Variants in TPCN2 observed in about 807,000 individuals in gnomAD.
TPCN2 encodes two pore channel protein 2.
A neutral mutation model predicts 111.4 loss-of-function variants in TPCN2; 92 were observed. The ratio of observed to expected loss-of-function variants is 0.83; its 90% CI spans 0.70 to 0.98. TPCN2 has a LOEUF of 0.98. Ranked by LOEUF, TPCN2 falls within the 50% of genes least tolerant of loss-of-function variation. TPCN2 has a pLI of 0.00. For missense variants in TPCN2, 995 were observed against 980.1 expected (o/e 1.02, Z -0.20); for synonymous variants, 405 against 414.5 (o/e 0.98, Z 0.28).
chr11:69,083,876 G>C, intron 18 of TPCN2, 69 bp from the exon 19 acceptor site: 1 of 1,472,540 alleles, frequency 6.8e-7, no homozygotes, highest in Admixed American at 1.7e-5. Context: ...GGTCAGCGTG[G>C]TGGGCCGGGA....
intron 8 of TPCN2, among the ~76,000 whole-genome samples, chr11:69,069,235 G>A (rs1373641695): frequency 3.3e-5 from 4 of 119,624 alleles, no homozygotes; most frequent in Admixed American, 8.1e-5. Flanking sequence ...GGAAGTGACC[G>A]CAGTGGGAGC....
At chr11:69,087,342 T>G in intron 24 of TPCN2, 136 bp downstream of exon 24, 1 of 738,556 alleles carries the variant, frequency 1.4e-6, no homozygotes, top group Non-Finnish European at 2.3e-6. Flanking sequence ...GCTTTGGTCC[T>G]GTGCTCTAGG....
intron 14 of TPCN2, 24 bp from the exon 15 acceptor site, chr11:69,078,710 G>A (rs574414432): frequency 1.2e-5 from 19 of 1,613,766 alleles, no homozygotes; most frequent in East Asian, 2.2e-5. Context: ...GCCAGCCGGC[G>A]AGCCCTCTGT....
rs1856004798 is a variant in TPCN2 at position 69,081,418 on chromosome 11, C to T, written c.1608C>T (p.Gly536=). 1 of 1,557,534 alleles carries T rather than the reference C, an allele frequency of 6.4e-7. No homozygotes were observed. Residue 536 remains glycine (G), a synonymous_variant, in exon 18 of 25, where the codon GGC becomes GGT. Coordinates refer to ENST00000294309, the MANE Select transcript of TPCN2 (RefSeq NM_139075.4). ...TCCCCAGGAGGCCGGAGATGGTGGG[C>T]CTGCTGTCGCTGTGGGACATGACCC... The part of the protein sequence containing the change: ...PHPGWRPEMV[G]LLSLWDMTRM...
chr11:69,056,302 G>A (rs1230749613), intron 4 of TPCN2, among the ~76,000 whole-genome samples: 8 of 152,198 alleles, frequency 5.3e-5, no homozygotes, highest in Non-Finnish European at 4.4e-5. Flanking sequence ...TGTGCCGACC[G>A]AGGGTTGTGG....
intron 1 of TPCN2, among the ~76,000 whole-genome samples, chr11:69,052,601 G>A (rs1178721411): frequency 6.6e-6 from 1 of 152,132 alleles, no homozygotes; most frequent in Non-Finnish European, 1.5e-5. Context: ...CGGGCAGAGT[G>A]AGGGTGGGGT....
rs780907139 is a variant in TPCN2, at chr11:69,072,577, A to G, written c.1062-50A>G. 1.2e-5 allele frequency: 19 copies of G among 1,599,646 alleles called. No individual in the cohort carries two copies. The South Asian group carries it at 2.1e-4, about 18-fold the overall frequency. On this transcript the variant is annotated intron_variant, in intron 11 of 24. Coordinates refer to ENST00000294309, the MANE Select transcript of TPCN2 (RefSeq NM_139075.4). ...GCAGGAGGACCCAGGCCAGGGTTCC[A>G]AGGGAGCCGAGCTGGCTGTGCTCAC...
intron 2 of TPCN2, 43 bp from the exon 3 acceptor site, chr11:69,054,678 T>C (rs775085904): frequency 6.3e-7 from 1 of 1,581,864 alleles, no homozygotes; most frequent in East Asian, 2.2e-5. Context: ...CGGCCCACCC[T>C]GCATGCACCC....
At position 69,057,633 on chromosome 11, in the gene TPCN2, T is replaced by G; in HGVS notation, c.485T>G (p.Leu162Arg). Residue 162 changes from leucine to arginine, a missense_variant, in exon 5 of 25, where the codon CTC becomes CGC. Coordinates refer to ENST00000294309, the MANE Select transcript of TPCN2 (RefSeq NM_139075.4). Reference protein sequence around the residue: ...FQKNLWLLGYLVVLVVSLVDW... With the variant: ...FQKNLWLLGYRVVLVVSLVDW... ...AAAAACCTTTGGCTGCTGGGCTACCTCGTGGTGCTGGTGGTGTCTCTGGTG... is the reference window on the plus strand; with the variant it reads ...AAAAACCTTTGGCTGCTGGGCTACCGCGTGGTGCTGGTGGTGTCTCTGGTG... 1.2e-6 allele frequency: 2 copies of G among 1,614,176 alleles called. No individual in the cohort carries two copies. Among genetic ancestry groups the G allele is most frequent in the Non-Finnish European group, 1.7e-6 (2 of 1,180,020 alleles).
At chr11:69,063,158 C>CTG (rs1565083761) in intron 6 of TPCN2, among the ~76,000 whole-genome samples, 168 bp downstream of exon 6, 17 of 151,978 alleles carry the variant, frequency 1.1e-4, no homozygotes, top group African/African-American at 3.9e-4. Flanking sequence ...TTTGGGGTCT[C>CTG]TTTGGTTCCA....
intron 22 of TPCN2, among the ~76,000 whole-genome samples, chr11:69,086,320 G>A (rs1856271639): frequency 6.6e-6 from 1 of 152,202 alleles, no homozygotes; most frequent in South Asian, 2.1e-4. Context: ...GCCTCCTGCT[G>A]GCTTAGCTAC....
At chr11:69,082,408 C>G (rs533606934) in intron 18 of TPCN2, among the ~76,000 whole-genome samples, 1 of 152,286 alleles carries the variant, frequency 6.6e-6, no homozygotes, top group Non-Finnish European at 1.5e-5. Context: ...CATCATCATG[C>G]ACATACACAC....
rs1861085724 is a variant in TPCN2, at chr11:69,048,933, C to T, written c.-65C>T. On this transcript the variant is annotated 5_prime_UTR_variant, in exon 1 of 25. Coordinates refer to ENST00000294309, the MANE Select transcript of TPCN2 (RefSeq NM_139075.4). ...CAGGGACGGGGTCTCCGCGCCTGCGCAGTGAAGCTGGGCGCCTTCGGGGCT... is the reference window on the plus strand; with the variant it reads ...CAGGGACGGGGTCTCCGCGCCTGCGTAGTGAAGCTGGGCGCCTTCGGGGCT... 1.9e-6 allele frequency: 2 copies of T among 1,076,538 alleles called. No individual in the cohort carries two copies. The highest frequency in any genetic ancestry group is 1.2e-6 in the Non-Finnish European group (1 of 843,906). The allele number at this position is 1,076,538 out of a possible 1,614,324, so 66.7% of individuals were successfully genotyped here.
chr11:69,057,782 G>C, intron 5 of TPCN2, 88 bp downstream of exon 5: 1 of 1,230,612 alleles, frequency 8.1e-7, no homozygotes, highest in Non-Finnish European at 1.2e-6. Flanking sequence ...ATGGAGCCCT[G>C]AGCCCGCCAG....
Position 69,055,167 on chromosome 11 carries a change from C to G in TPCN2, c.252-8C>G, listed in dbSNP as rs1438814023. On this transcript the variant is annotated splice_polypyrimidine_tract_variant and splice_region_variant and intron_variant, in intron 3 of 24. Transcript: ENST00000294309. ...TCCTGTGTTTTCATGTTTCTGTCCC[C>G]TTTCCAGGACTTTGAGCTTCACCAT... is the stretch of plus-strand genomic sequence containing the variant. 2 of 1,613,136 alleles carry G rather than the reference C, an allele frequency of 1.2e-6. No homozygotes were observed. Among genetic ancestry groups the G allele is most frequent in the African/African-American group, 2.7e-5 (2 of 74,902 alleles).
intron 13 of TPCN2, among the ~76,000 whole-genome samples, chr11:69,078,226 C>A (rs1855872293): frequency 2.6e-5 from 4 of 151,138 alleles, no homozygotes; most frequent in Admixed American, 2.6e-4. Flanking sequence ...AATATCACAA[C>A]ATGGTTTACT....
chr11:69,067,469 A>G (rs762242635), intron 7 of TPCN2, 34 bp from the exon 8 acceptor site: 15 of 1,589,312 alleles, frequency 9.4e-6, no homozygotes, highest in Admixed American at 1.7e-5. Context: ...GTGGGGACCC[A>G]GTGGTGCCCT....
At chr11:69,066,016 G>C (rs1208693681) in intron 7 of TPCN2, among the ~76,000 whole-genome samples, 1 of 152,140 alleles carries the variant, frequency 6.6e-6, no homozygotes, top group African/African-American at 2.4e-5. Flanking sequence ...TACACAGTGT[G>C]GGGTGGGAGA....
At chr11:69,084,848 G>A in intron 19 of TPCN2, 1 of 972,514 alleles carries the variant, frequency 1.0e-6, no homozygotes, top group Non-Finnish European at 1.2e-6. Context: ...CCCAGAAAGG[G>A]GACCAGGTTA....
Sources: allele counts gnomAD v4.1 joint callset (sites outside exome capture counted in the v4.1 genomes callset), GRCh38; gene constraint gnomAD v4.1.1; transcripts MANE v1.5; gene names NCBI Gene and HGNC (gene_info 2026-07-23, HGNC 2026-07-21).